The following RARB variants were observed in gnomAD, a reference collection of about 807,000 sequenced individuals.
The protein encoded by RARB is retinoic acid receptor beta.
Under a neutral mutation model 51.9 loss-of-function variants are expected in RARB, and 17 were observed. That is an observed-to-expected ratio of 0.33 (90% CI 0.22 to 0.49). The LOEUF (loss-of-function observed/expected upper bound fraction) is 0.49. Among genes scored for constraint, RARB ranks in the 20% least tolerant of loss-of-function variants. RARB has a pLI of 0.99. For missense variants in RARB, 369 were observed against 550.8 expected, an observed-to-expected ratio of 0.67 and a Z score of 3.30; for synonymous variants, 215 against 195.4, an observed-to-expected ratio of 1.10 and a Z score of -0.84.
chr3:25,348,799 T>C (rs1705473363), intron 5 of RARB, among the ~76,000 whole-genome samples: 1 of 152,238 alleles, frequency 6.6e-6, no homozygotes, highest in Non-Finnish European at 1.5e-5. Context: ...TGAGTACGCA[T>C]CCAAGCCAAC....
chr3:25,217,501 C>T (rs1383473623), intron 5 of RARB, among the ~76,000 whole-genome samples: 1 of 152,072 alleles, frequency 6.6e-6, no homozygotes, highest in Non-Finnish European at 1.5e-5. Flanking sequence ...CTCCCACCCC[C>T]CCCAATTCTG....
chr3:25,384,620 T>G (rs1248591662), intron 5 of RARB, among the ~76,000 whole-genome samples: 2 of 152,230 alleles, frequency 1.3e-5, no homozygotes, highest in East Asian at 3.9e-4. Context: ...TCTCTTTCTC[T>G]AGAATGAGGC....
At chr3:25,010,353 T>C (rs1043329318) in intron 2 of RARB, among the ~76,000 whole-genome samples, 7 of 152,152 alleles carry the variant, frequency 4.6e-5, no homozygotes, top group African/African-American at 1.7e-4. Context: ...AAAGAATTGC[T>C]ATGACAATCA....
chr3:25,206,892 G>A (rs1701563357), intron 5 of RARB, among the ~76,000 whole-genome samples: 1 of 152,112 alleles, frequency 6.6e-6, no homozygotes, highest in African/African-American at 2.4e-5. Context: ...TGCCTCTCCA[G>A]TTGTCAGTCA....
At chr3:25,484,237 G>A (rs187023840) in intron 2 of RARB, among the ~76,000 whole-genome samples, 1 of 152,168 alleles carries the variant, frequency 6.6e-6, no homozygotes, top group Admixed American at 6.5e-5. Context: ...GAGGAAAGAG[G>A]TGTCTTTTTC....
chr3:25,057,258 T>C (rs191590711), intron 2 of RARB, among the ~76,000 whole-genome samples: 66 of 152,184 alleles, frequency 4.3e-4, no homozygotes, highest in Admixed American at 1.0e-3. Context: ...TAGGATTCTT[T>C]TGCAATAAGC....
At chr3:25,305,772 AATGTCACAC>A (rs1704139786) in intron 5 of RARB, among the ~76,000 whole-genome samples, 2 of 152,300 alleles carry the variant, frequency 1.3e-5, no homozygotes, top group East Asian at 3.9e-4. Context: ...AAAAGGGCAA[AATGTCACAC>A]AGTGGTATAA....
intron 5 of RARB, among the ~76,000 whole-genome samples, chr3:25,352,908 C>G (rs1705619773): frequency 6.6e-6 from 1 of 152,190 alleles, no homozygotes; most frequent in African/African-American, 2.4e-5. Flanking sequence ...ACATTCACTT[C>G]TCAAAGACTC....
At chr3:24,892,748 C>T (rs1393115605) in intron 2 of RARB, among the ~76,000 whole-genome samples, 2 of 152,194 alleles carry the variant, frequency 1.3e-5, no homozygotes, top group Non-Finnish European at 2.9e-5. Flanking sequence ...TTTGTTCCAG[C>T]ATGTATGTAT....
At chr3:24,912,875 G>A (rs1232805042) in intron 2 of RARB, among the ~76,000 whole-genome samples, 23 of 150,974 alleles carry the variant, frequency 1.5e-4, no homozygotes, top group African/African-American at 5.6e-4. Context: ...TCCAGGAAGA[G>A]ATTGAAAGAC....
intron 5 of RARB, among the ~76,000 whole-genome samples, chr3:25,294,008 A>G (rs1221451211): frequency 2.6e-5 from 4 of 152,172 alleles, no homozygotes; most frequent in African/African-American, 9.6e-5. Context: ...CAGCCCAAGT[A>G]TCACAGAGAC....
chr3:25,107,537 C>T (rs1472865207), intron 3 of RARB, among the ~76,000 whole-genome samples: 1 of 152,048 alleles, frequency 6.6e-6, no homozygotes, highest in African/African-American at 2.4e-5. Flanking sequence ...GGAAATAAAT[C>T]CAGTAGTCTT....
intron 5 of RARB, among the ~76,000 whole-genome samples, chr3:25,292,265 C>T (rs539506736): frequency 2.6e-5 from 4 of 152,272 alleles, no homozygotes; most frequent in African/African-American, 9.6e-5. Context: ...AGCCCCTTCC[C>T]ACCCTCACCC....
At chr3:25,046,256 C>T (rs546210185) in intron 2 of RARB, among the ~76,000 whole-genome samples, 17 of 152,278 alleles carry the variant, frequency 1.1e-4, no homozygotes, top group African/African-American at 4.1e-4. Flanking sequence ...GTGTAATTTT[C>T]TTGCATATGC....
intron 4 of RARB, among the ~76,000 whole-genome samples, chr3:25,166,127 A>G (rs866634937): frequency 6.6e-6 from 1 of 152,026 alleles, no homozygotes; most frequent in Non-Finnish European, 1.5e-5. Flanking sequence ...CATCTCCTTT[A>G]TTCCCAAATT....
intron 2 of RARB, among the ~76,000 whole-genome samples, chr3:24,942,382 T>C (rs1290286288): frequency 6.6e-6 from 1 of 152,208 alleles, no homozygotes; most frequent in African/African-American, 2.4e-5. Context: ...TTATTTACTC[T>C]AATTCATATG....
At chr3:24,958,880 C>T (rs2125410232) in intron 2 of RARB, among the ~76,000 whole-genome samples, 1 of 152,248 alleles carries the variant, frequency 6.6e-6, no homozygotes, top group Middle Eastern at 3.4e-3. Context: ...TCCCTGACTC[C>T]TTCATGGGCC....
intron 2 of RARB, among the ~76,000 whole-genome samples, chr3:24,889,921 A>C (rs1306791728): frequency 6.6e-6 from 1 of 151,896 alleles, no homozygotes; most frequent in Non-Finnish European, 1.5e-5. Flanking sequence ...AAAAAAAAAA[A>C]AAGAAAAAGA....
At chr3:25,204,893 GC>G (rs1370186688) in intron 5 of RARB, among the ~76,000 whole-genome samples, 1 of 152,178 alleles carries the variant, frequency 6.6e-6, no homozygotes, top group Non-Finnish European at 1.5e-5. Context: ...TGAGGAGGCA[GC>G]CTGTTCATTC....
Sources: gnomAD v4.1 joint callset for allele counts (sites outside exome capture counted in the v4.1 genomes callset) on GRCh38, gnomAD v4.1.1 for gene constraint, MANE v1.5 for transcripts, NCBI Gene and HGNC (gene_info 2026-07-23, HGNC 2026-07-21) for gene names.